Variants in LRRD1 observed in about 807,000 individuals in gnomAD.
LRRD1 encodes leucine-rich repeat and death domain-containing protein 1.
LRRD1 carries 49 observed loss-of-function variants against 69.5 expected under a neutral mutation model. That is an observed-to-expected ratio of 0.70 (90% CI 0.56 to 0.89). The LOEUF is 0.89. Ranked by LOEUF, LRRD1 falls within the 40% of genes least tolerant of loss-of-function variation. The probability of loss-of-function intolerance (pLI) is 0.00; values close to 1 mark genes in which losing one functional copy is unlikely to be tolerated. For missense variants in LRRD1, 853 were observed against 956.0 expected (o/e 0.89, Z 1.42); for synonymous variants, 303 against 338.9 (o/e 0.89, Z 1.16).
intron 1 of LRRD1, among the ~76,000 whole-genome samples, chr7:92,169,395 G>C (rs1206338319): frequency 6.7e-6 from 1 of 149,884 alleles, no homozygotes; most frequent in African/African-American, 2.4e-5. Context: ...GTTCATGTCT[G>C]TAATCCCAGC....
chr7:92,166,725 G>A (rs935745875), intron 1 of LRRD1, among the ~76,000 whole-genome samples: 9 of 152,134 alleles, frequency 5.9e-5, no homozygotes, highest in African/African-American at 1.4e-4. Flanking sequence ...TACTTGATAA[G>A]TTGCAACATT....
chr7:92,171,678 A>T (rs1335536473), intron 1 of LRRD1, among the ~76,000 whole-genome samples: 1 of 152,230 alleles, frequency 6.6e-6, no homozygotes. Context: ...CTACGAGGCC[A>T]GTGTTACCCT....
intron 2 of LRRD1, among the ~76,000 whole-genome samples, chr7:92,161,931 G>A (rs1363812120): frequency 6.6e-6 from 1 of 152,192 alleles, no homozygotes; most frequent in Non-Finnish European, 1.5e-5. Flanking sequence ...GTGCATGTAA[G>A]TGACAGCAGG....
chr7:92,176,754 G>A (rs969630281), intron 1 of LRRD1, among the ~76,000 whole-genome samples: 2 of 151,610 alleles, frequency 1.3e-5, no homozygotes, highest in African/African-American at 4.8e-5. Context: ...GTAGAGATGG[G>A]GTTTCTGCAT....
rs917942747 is a variant in LRRD1, at chr7:92,150,473, T to TTAAAA, written c.2278+56_2278+60dup. 95 of 1,382,348 alleles carry TTAAAA rather than the reference T, an allele frequency of 6.9e-5. No individual in the cohort carries two copies. The African/African-American group carries it at 9.7e-4, about 14-fold the overall frequency. The allele number at this position is 1,382,348 out of a possible 1,614,324, so 85.6% of individuals were successfully genotyped here. On this transcript the variant is annotated intron_variant, in intron 4 of 5. Transcript: ENST00000458448. ...GAGTGAGACCCTGTCTCCAAAAATATTAAAATAAAATAAAATAAAAAAGAA... is the reference window on the plus strand; with the variant it reads ...GAGTGAGACCCTGTCTCCAAAAATATTAAAATAAAATAAAATAAAATAAAAAAGAA...
chr7:92,168,710 T>A lies in LRRD1; in HGVS notation c.-74-3434A>T, dbSNP rs564074587. ...CAACAAGTAAATTACAAAGAATCTGTAAGCAAACACATCCAGTAGAAACCC... is the reference window on the plus strand; with the variant it reads ...CAACAAGTAAATTACAAAGAATCTGAAAGCAAACACATCCAGTAGAAACCC... On this transcript the variant is annotated intron_variant, in intron 1 of 5. Transcript: ENST00000458448. 4.0e-5 allele frequency among the ~76,000 whole-genome samples: 6 copies of A among 150,740 alleles called. No homozygotes were observed. The South Asian group carries it at 1.3e-3, about 32-fold the overall frequency.
chr7:92,170,043 C>T (rs990450856), intron 1 of LRRD1, among the ~76,000 whole-genome samples: 8 of 141,932 alleles, frequency 5.6e-5, no homozygotes, highest in East Asian at 2.1e-4. Context: ...GCTGGCATTC[C>T]GTACTTGGTG....
chr7:92,155,386 A>G (rs1320481112), intron 3 of LRRD1, among the ~76,000 whole-genome samples: 1 of 152,206 alleles, frequency 6.6e-6, no homozygotes, highest in Non-Finnish European at 1.5e-5. Flanking sequence ...GCACAATTTT[A>G]AATTTATGAA....
chr7:92,163,667 C>A lies in LRRD1; in HGVS notation c.1536G>T (p.Leu512=), dbSNP rs1435964744. The A allele has an allele frequency of 1.5e-5, 23 of 1,498,332 alleles. No individual in the cohort carries two copies. In the Admixed American group the frequency reaches 5.2e-4, roughly 34 times the overall value. The allele number at this position is 1,498,332 out of a possible 1,614,324, so 92.8% of individuals were successfully genotyped here. A position where few individuals can be genotyped will look rare whatever the true frequency, so the allele number is the denominator to read the frequency against. The change falls in exon 2 of 6, where the codon CTG becomes CTT. Residue 512 remains leucine, a synonymous_variant. Coordinates refer to ENST00000458448, the MANE Select transcript of LRRD1 (RefSeq NM_001161528.2). ...IPVDISFSKQ[L]LHLELSENKL... ...TGTTTTCACTCAATTCTAAATGAAG[C>A]AGTTGTTTACTGAAAGATATATCCA...
At chr7:92,159,345 C>A (rs1384352417) in intron 2 of LRRD1, 142 bp from the exon 3 acceptor site, 1 of 601,166 alleles carries the variant, frequency 1.7e-6, no homozygotes, top group South Asian at 2.4e-5. Context: ...GTCACAAATT[C>A]TTTGTGACTG....
At chr7:92,165,306 G>T in intron 1 of LRRD1, 30 bp from the exon 2 acceptor site, 1 of 546,098 alleles carries the variant, frequency 1.8e-6, no homozygotes, top group Non-Finnish European at 2.9e-6. Flanking sequence ...ATTAAAAGAT[G>T]TAAGAGATGT....
Position 92,165,011 on chromosome 7 carries a change from T to G in LRRD1, c.192A>C (p.Thr64=). Residue 64 remains threonine, a synonymous_variant, in exon 2 of 6, where the codon ACA becomes ACC. Coordinates refer to ENST00000458448, the MANE Select transcript of LRRD1 (RefSeq NM_001161528.2). The stretch of plus-strand genomic sequence containing the variant: ...TTCCAGAGGAAGATGTTGACTCTAA[T>G]GTATTCTGTCTAGGATGTGTTTCAT... The part of the protein sequence containing the change: ...QIYETHPRQN[T]LESTSSSGRK... 2 of 1,551,380 alleles carry G rather than the reference T, an allele frequency of 1.3e-6. No homozygotes were observed. Among genetic ancestry groups the G allele is most frequent in the Non-Finnish European group, 1.7e-6 (2 of 1,146,858 alleles).
At chr7:92,161,630 G>A (rs958892861) in intron 2 of LRRD1, among the ~76,000 whole-genome samples, 1 of 152,112 alleles carries the variant, frequency 6.6e-6, no homozygotes, top group Non-Finnish European at 1.5e-5. Flanking sequence ...CTTTTTCAGA[G>A]GAAAAATAAT....
downstream of LRRD1, chr7:92,142,824 G>C (rs1461835954): frequency 7.0e-6 from 3 of 431,008 alleles, no homozygotes; most frequent in South Asian, 3.3e-5. Context: ...GAGTGAAGCT[G>C]CAGACCTGCG....
chr7:92,160,791 C>T (rs150594384), intron 2 of LRRD1, among the ~76,000 whole-genome samples: 28 of 152,038 alleles, frequency 1.8e-4, no homozygotes, highest in South Asian at 1.2e-3. Flanking sequence ...CCAGCCTGAG[C>T]GACAGAGTGA....
chr7:92,174,489 ATATATATATATATATATATATTTTTTTT>A (rs1184037685), intron 1 of LRRD1, among the ~76,000 whole-genome samples: 3 of 14,868 alleles, frequency 2.0e-4, no homozygotes, highest in Non-Finnish European at 3.0e-4. Context: ...ATATATATAT[ATATATATATATATATATATATTTTTTTT>A]TTTTTTTTTT....
Position 92,175,791 on chromosome 7 carries a change from T to G in LRRD1, c.-75+3216A>C, listed in dbSNP as rs146651869. 1.2e-3 allele frequency among the ~76,000 whole-genome samples: 180 copies of G among 152,370 alleles called. 1 individual carries two copies. Among genetic ancestry groups the G allele is most frequent in the African/African-American group, 4.1e-3 (171 of 41,596 alleles). On this transcript the variant is annotated intron_variant, in intron 1 of 5. Coordinates refer to ENST00000458448, the MANE Select transcript of LRRD1 (RefSeq NM_001161528.2). Reference sequence around the variant, plus strand: ...TTTAATCCACATGGAAATGATTTTGTGTATGCTGTGAAATAAGGATCTAAT... The same window carrying G: ...TTTAATCCACATGGAAATGATTTTGGGTATGCTGTGAAATAAGGATCTAAT...
chr7:92,146,737 A>G (rs532326478), intron 4 of LRRD1, among the ~76,000 whole-genome samples: 2 of 151,960 alleles, frequency 1.3e-5, no homozygotes, highest in East Asian at 3.9e-4. Flanking sequence ...CCTGACCAAC[A>G]TGAAGAAACC....
chr7:92,175,176 A>G (rs1262135779), intron 1 of LRRD1, among the ~76,000 whole-genome samples: 1 of 152,224 alleles, frequency 6.6e-6, no homozygotes, highest in Non-Finnish European at 1.5e-5. Context: ...TGTTTTTACT[A>G]TGGCTGAGTC....
Sources: allele counts gnomAD v4.1 joint callset (sites outside exome capture counted in the v4.1 genomes callset), GRCh38; gene constraint gnomAD v4.1.1; transcripts MANE v1.5; gene names NCBI Gene and HGNC (gene_info 2026-07-23, HGNC 2026-07-21).